Variants in CDH13 observed in about 807,000 individuals in gnomAD.
CDH13 encodes the protein cadherin 13.
In CDH13, 24 loss-of-function variants were observed where a neutral mutation model predicts 63.8. The ratio of observed to expected loss-of-function variants is 0.38; its 90% CI spans 0.27 to 0.53. The LOEUF (loss-of-function observed/expected upper bound fraction) is 0.53, where lower values mean the gene tolerates loss of function less well. CDH13 is among the 20% of genes least tolerant of loss of function. The pLI is 0.85. For synonymous variants in CDH13, 503 were observed against 355.3 expected (o/e 1.42, Z -4.67); for missense variants, 1,049 against 903.1 (o/e 1.16, Z -2.07).
chr16:82,964,901 G>T (rs1907584729), intron 2 of CDH13, among the ~76,000 whole-genome samples: 1 of 152,168 alleles, frequency 6.6e-6, no homozygotes. Context: ...ATTAGCCGAG[G>T]ATATAGGGGA....
At chr16:83,779,688 G>C (rs1915383554) in intron 11 of CDH13, among the ~76,000 whole-genome samples, 1 of 151,842 alleles carries the variant, frequency 6.6e-6, no homozygotes, top group Non-Finnish European at 1.5e-5. Context: ...CCTCTTAGAT[G>C]TAAATGCTAA....
chr16:83,292,579 C>T (rs959575063), intron 5 of CDH13, among the ~76,000 whole-genome samples: 10 of 152,092 alleles, frequency 6.6e-5, no homozygotes, highest in Non-Finnish European at 1.3e-4. Context: ...TCAAATCAAG[C>T]GGTAGGAGCT....
At chr16:83,447,768 T>C (rs528122891) in intron 6 of CDH13, among the ~76,000 whole-genome samples, 23 of 149,256 alleles carry the variant, frequency 1.5e-4, no homozygotes, top group African/African-American at 4.1e-4. Flanking sequence ...ATATTAAATA[T>C]TGATTTATTT....
intron 6 of CDH13, among the ~76,000 whole-genome samples, chr16:83,367,426 G>C (rs1019762006): frequency 6.6e-6 from 1 of 151,954 alleles, no homozygotes; most frequent in African/African-American, 2.4e-5. Flanking sequence ...ACTACTTTTT[G>C]GCTACTATGA....
At chr16:82,990,796 C>T (rs1028541217) in intron 2 of CDH13, among the ~76,000 whole-genome samples, 8 of 152,022 alleles carry the variant, frequency 5.3e-5, no homozygotes, top group African/African-American at 1.9e-4. Flanking sequence ...TCCATCTTGG[C>T]CTCCAAAGTA....
At chr16:83,695,880 T>G (rs918688446) in intron 10 of CDH13, among the ~76,000 whole-genome samples, 1 of 151,698 alleles carries the variant, frequency 6.6e-6, no homozygotes, top group Non-Finnish European at 1.5e-5. Context: ...CCAGATATAT[T>G]TATGCCAAAG....
intron 6 of CDH13, among the ~76,000 whole-genome samples, chr16:83,352,518 C>G (rs1211605867): frequency 6.6e-6 from 1 of 152,204 alleles, no homozygotes; most frequent in Non-Finnish European, 1.5e-5. Flanking sequence ...CACCTGCACT[C>G]ATGGTTATCA....
chr16:83,485,874 G>A (rs1233631917), intron 6 of CDH13, among the ~76,000 whole-genome samples: 1 of 152,178 alleles, frequency 6.6e-6, no homozygotes, highest in African/African-American at 2.4e-5. Flanking sequence ...GCCATGGCTA[G>A]ATGGAATCTT....
intron 5 of CDH13, among the ~76,000 whole-genome samples, chr16:83,335,473 C>A (rs1318786105): frequency 6.6e-6 from 1 of 152,130 alleles, no homozygotes; most frequent in Non-Finnish European, 1.5e-5. Context: ...ACTTGTACAT[C>A]CCTGCTTACA....
At chr16:83,336,312 A>AAATAAG (rs1555531897) in intron 5 of CDH13, among the ~76,000 whole-genome samples, 1 of 143,820 alleles carries the variant, frequency 7.0e-6, no homozygotes, top group Non-Finnish European at 1.5e-5. Flanking sequence ...AAAAAAAAAA[A>AAATAAG]AAAAAAGAAA....
chr16:82,733,324 G>A (rs1171689408), intron 1 of CDH13, among the ~76,000 whole-genome samples: 1 of 152,074 alleles, frequency 6.6e-6, no homozygotes, highest in Non-Finnish European at 1.5e-5. Flanking sequence ...TCCATAAATA[G>A]TCATTCTAAT....
At chr16:83,245,546 T>G (rs1307726175) in intron 5 of CDH13, among the ~76,000 whole-genome samples, 1 of 152,204 alleles carries the variant, frequency 6.6e-6, no homozygotes. Context: ...ATAGATGTGG[T>G]GGTCTTTACA....
chr16:82,929,361 C>G (rs1409730907), intron 2 of CDH13, among the ~76,000 whole-genome samples: 1 of 151,802 alleles, frequency 6.6e-6, no homozygotes, highest in Admixed American at 6.6e-5. Flanking sequence ...CATGAGGACA[C>G]AATGAAAAGA....
At chr16:83,416,598 C>T (rs1259640943) in intron 6 of CDH13, among the ~76,000 whole-genome samples, 2 of 152,190 alleles carry the variant, frequency 1.3e-5, no homozygotes, top group Admixed American at 6.5e-5. Context: ...TGATGCCTCC[C>T]AGAAGTACCA....
intron 4 of CDH13, among the ~76,000 whole-genome samples, chr16:83,177,373 G>C (rs2038170371): frequency 6.6e-6 from 1 of 152,164 alleles, no homozygotes; most frequent in Admixed American, 6.5e-5. Flanking sequence ...CCCCAGGTCT[G>C]CTACAGCACA....
intron 1 of CDH13, among the ~76,000 whole-genome samples, chr16:82,670,999 A>C (rs1268233610): frequency 6.6e-6 from 1 of 152,196 alleles, no homozygotes; most frequent in Non-Finnish European, 1.5e-5. Context: ...TGTATTGTTT[A>C]ACTATGTGTC....
chr16:83,021,569 C>CA (rs1219811431), intron 2 of CDH13, among the ~76,000 whole-genome samples: 1 of 152,114 alleles, frequency 6.6e-6, no homozygotes, highest in Non-Finnish European at 1.5e-5. Flanking sequence ...GGTTACATGG[C>CA]AAAAATAGGT....
At chr16:82,901,324 CTG>C (rs61370328) in intron 2 of CDH13, among the ~76,000 whole-genome samples, 7,614 of 130,218 alleles carry the variant, frequency 0.058, 340 homozygotes, top group African/African-American at 0.15. Flanking sequence ...TAGTATTCTC[CTG>C]TGTGTGTGTG....
chr16:83,108,898 C>T (rs72798357), intron 3 of CDH13, among the ~76,000 whole-genome samples: 1 of 152,312 alleles, frequency 6.6e-6, no homozygotes, highest in Non-Finnish European at 1.5e-5. Flanking sequence ...AGGTTCTGCC[C>T]TGCCTCCTGG....
Sources: allele counts gnomAD v4.1 joint callset (sites outside exome capture counted in the v4.1 genomes callset), GRCh38; gene constraint gnomAD v4.1.1; transcripts MANE v1.5; gene names NCBI Gene and HGNC (gene_info 2026-07-23, HGNC 2026-07-21).